FAM117B: variants seen among roughly 807,000 people sequenced by gnomAD.
FAM117B encodes protein FAM117B.
In FAM117B, 22 loss-of-function variants were observed where a neutral mutation model predicts 52.8. The ratio of observed to expected loss-of-function variants is 0.42; its 90% CI spans 0.30 to 0.59. The LOEUF is 0.59. FAM117B is among the 20% of genes least tolerant of loss of function. The probability of loss-of-function intolerance (pLI) is 0.22; values close to 1 mark genes in which losing one functional copy is unlikely to be tolerated. For synonymous variants in FAM117B, 309 were observed against 324.1 expected (o/e 0.95, Z 0.50); for missense variants, 678 against 802.6 (o/e 0.84, Z 1.88).
At chr2:202,657,288 A>G (rs1267408339) in intron 1 of FAM117B, among the ~76,000 whole-genome samples, 1 of 152,052 alleles carries the variant, frequency 6.6e-6, no homozygotes, top group African/African-American at 2.4e-5. Flanking sequence ...GGGTTTCACC[A>G]TGTTGACCAG....
chr2:202,703,363 T>C (rs1032827146), intron 2 of FAM117B, among the ~76,000 whole-genome samples: 8 of 152,218 alleles, frequency 5.3e-5, no homozygotes, highest in African/African-American at 1.9e-4. Flanking sequence ...AATTCCATCC[T>C]TACTTCCTCC....
intron 1 of FAM117B, among the ~76,000 whole-genome samples, chr2:202,691,696 T>TGTGTGTGTGTGTGC (rs1559103301): frequency 7.7e-6 from 1 of 129,434 alleles, no homozygotes; most frequent in Non-Finnish European, 1.6e-5. Context: ...TGTGTGTGTG[T>TGTGTGTGTGTGTGC]GTGCGCGCGC....
rs530433912 is a variant in FAM117B at position 202,759,364 on chromosome 2, C to T, written c.1451+11C>T. On this transcript the variant is annotated intron_variant, in intron 7 of 7. Coordinates refer to ENST00000392238, the MANE Select transcript of FAM117B (RefSeq NM_173511.4). ...CTTTGAGGAATGCTCGTAAGTATCC[C>T]TTCCACCATCCCCACAAAAAAACTA... 6.3e-6 allele frequency: 10 copies of T among 1,592,726 alleles called. No homozygotes were observed. In the East Asian group the frequency reaches 8.9e-5, roughly 14 times the overall value.
chr2:202,640,295 A>AATATAT (rs539187347), intron 1 of FAM117B, among the ~76,000 whole-genome samples: 792 of 51,166 alleles, frequency 0.015, 38 homozygotes, highest in Non-Finnish European at 0.018. Context: ...ACCACCACAA[A>AATATAT]ATATATATAT....
intron 1 of FAM117B, among the ~76,000 whole-genome samples, chr2:202,656,968 T>TG (rs1236825955): frequency 1.3e-5 from 2 of 152,220 alleles, no homozygotes; most frequent in Non-Finnish European, 2.9e-5. Context: ...AAGTCTACTC[T>TG]GATTAGAGTT....
chr2:202,727,806 C>A (rs72928975), intron 4 of FAM117B, among the ~76,000 whole-genome samples: 3,931 of 152,226 alleles, frequency 0.026, 75 homozygotes, highest in Non-Finnish European at 0.038. Context: ...CTGTTTGGCC[C>A]TTTACAGATA....
At chr2:202,751,333 G>A (rs938714086) in intron 4 of FAM117B, among the ~76,000 whole-genome samples, 9 of 152,128 alleles carry the variant, frequency 5.9e-5, no homozygotes, top group African/African-American at 2.2e-4. Flanking sequence ...GACATTGATT[G>A]TGCTTTAGCC....
At chr2:202,732,387 C>A (rs1691366464) in intron 4 of FAM117B, among the ~76,000 whole-genome samples, 1 of 151,792 alleles carries the variant, frequency 6.6e-6, no homozygotes. Context: ...TTCATAATAG[C>A]CAAAATGTAG....
intron 2 of FAM117B, among the ~76,000 whole-genome samples, chr2:202,700,005 A>T (rs942661800): frequency 1.3e-5 from 2 of 152,206 alleles, no homozygotes; most frequent in Non-Finnish European, 2.9e-5. Context: ...AACCATGCCT[A>T]TATAAGACGG....
intron 1 of FAM117B, among the ~76,000 whole-genome samples, chr2:202,672,361 C>T (rs1244883488): frequency 2.0e-5 from 3 of 151,994 alleles, no homozygotes; most frequent in African/African-American, 7.2e-5. Flanking sequence ...TACAGGCGTG[C>T]GCCACCACGC....
intron 1 of FAM117B, among the ~76,000 whole-genome samples, chr2:202,647,632 T>C (rs1689891091): frequency 6.6e-6 from 1 of 152,210 alleles, no homozygotes; most frequent in South Asian, 2.1e-4. Flanking sequence ...CTTTATTCTT[T>C]CCATAGAAAT....
At chr2:202,742,781 C>T (rs1461968433) in intron 4 of FAM117B, among the ~76,000 whole-genome samples, 11 of 152,134 alleles carry the variant, frequency 7.2e-5, no homozygotes, top group Middle Eastern at 3.2e-3. Context: ...TAATAACCCT[C>T]GTATAAAGAA....
chr2:202,711,684 G>A (rs902652545), intron 2 of FAM117B, among the ~76,000 whole-genome samples: 1 of 152,134 alleles, frequency 6.6e-6, no homozygotes, highest in African/African-American at 2.4e-5. Context: ...TGAGGTCTCA[G>A]ATTTAAATCT....
intron 4 of FAM117B, among the ~76,000 whole-genome samples, chr2:202,753,395 C>G (rs1353950257): frequency 6.6e-6 from 1 of 152,054 alleles, no homozygotes; most frequent in Non-Finnish European, 1.5e-5. Context: ...ATGTAAAACC[C>G]AAAAGCATAA....
At position 202,635,233 on chromosome 2, in the gene FAM117B, T is replaced by C; in HGVS notation, c.46T>C (p.Ser16Pro). The change falls in exon 1 of 8, where the codon TCC (serine) becomes CCC (proline). Residue 16 changes from serine (S) to proline (P), a missense_variant. Ser to Pro is a moderately conservative substitution (Grantham distance 74). This residue lies in a region of FAM117B where 583 missense variants were observed against 644.8 expected (regional missense o/e 0.90). Coordinates refer to ENST00000392238, the MANE Select transcript of FAM117B (RefSeq NM_173511.4). ...RRNGSPTPAG[S>P]LGGGAVATAG... Reference sequence around the variant, plus strand: ...CAATGGGTCCCCCACGCCGGCCGGCTCCCTTGGGGGTGGTGCGGTGGCCAC... The same window carrying C: ...CAATGGGTCCCCCACGCCGGCCGGCCCCCTTGGGGGTGGTGCGGTGGCCAC... The C allele has an allele frequency of 7.6e-7, 1 of 1,307,948 alleles. No individual in the cohort carries two copies. Among genetic ancestry groups the C allele is most frequent in the South Asian group, 2.1e-5 (1 of 47,652 alleles). The allele number at this position is 1,307,948 out of a possible 1,614,324, so 81.0% of individuals were successfully genotyped here. A position where few individuals can be genotyped will look rare whatever the true frequency, so the allele number is the denominator to read the frequency against.
At chr2:202,748,951 A>T (rs1285606304) in intron 4 of FAM117B, among the ~76,000 whole-genome samples, 1 of 152,202 alleles carries the variant, frequency 6.6e-6, no homozygotes, top group Non-Finnish European at 1.5e-5. Flanking sequence ...GTGCGTGTAC[A>T]TGTGTATACA....
At chr2:202,687,872 A>T (rs976333237) in intron 1 of FAM117B, among the ~76,000 whole-genome samples, 5 of 152,202 alleles carry the variant, frequency 3.3e-5, no homozygotes, top group African/African-American at 1.2e-4. Context: ...TAAATTATTA[A>T]TTAGGTACTG....
chr2:202,674,129 A>T (rs1690342376), intron 1 of FAM117B, among the ~76,000 whole-genome samples: 1 of 151,930 alleles, frequency 6.6e-6, no homozygotes, highest in East Asian at 1.9e-4. Context: ...TCTGTAATTG[A>T]TTACTTCTAA....
At chr2:202,672,609 A>T (rs1690315376) in intron 1 of FAM117B, among the ~76,000 whole-genome samples, 1 of 152,232 alleles carries the variant, frequency 6.6e-6, no homozygotes. Flanking sequence ...GAAACTTCAC[A>T]TTCTTATATA....
Sources: gnomAD v4.1 joint callset for allele counts (sites outside exome capture counted in the v4.1 genomes callset) on GRCh38, gnomAD v4.1.1 for gene constraint, gnomAD v4.1.1 regional missense constraint, MANE v1.5 for transcripts, NCBI Gene and HGNC (gene_info 2026-07-23, HGNC 2026-07-21) for gene names.